CCBE1: variants seen among roughly 807,000 people sequenced by gnomAD.
The protein encoded by CCBE1 is collagen and calcium-binding EGF domain-containing protein 1.
In CCBE1, 37 loss-of-function variants were observed where a neutral mutation model predicts 50.0. That is an observed-to-expected ratio of 0.74 (90% CI 0.57 to 0.97). The LOEUF (loss-of-function observed/expected upper bound fraction) is 0.97, where lower values mean the gene tolerates loss of function less well. Among genes scored for constraint, CCBE1 ranks in the 50% least tolerant of loss-of-function variants. CCBE1 has a pLI of 0.00. For synonymous variants in CCBE1, 234 were observed against 203.7 expected, an observed-to-expected ratio of 1.15 and a Z score of -1.27; for missense variants, 538 against 523.8, an observed-to-expected ratio of 1.03 and a Z score of -0.26.
At chr18:59,617,121 C>A (rs1176885941) in intron 2 of CCBE1, among the ~76,000 whole-genome samples, 1 of 152,202 alleles carries the variant, frequency 6.6e-6, no homozygotes, top group Non-Finnish European at 1.5e-5. Flanking sequence ...AACCTCTGAA[C>A]TATACCAGTG....
At chr18:59,602,985 C>A (rs1473711602) in intron 2 of CCBE1, among the ~76,000 whole-genome samples, 1 of 152,296 alleles carries the variant, frequency 6.6e-6, no homozygotes, top group African/African-American at 2.4e-5. Context: ...GTGACAATAC[C>A]AACCTCCGAG....
chr18:59,690,335 A>G (rs1205234160), intron 2 of CCBE1, among the ~76,000 whole-genome samples: 1 of 152,204 alleles, frequency 6.6e-6, no homozygotes, highest in Non-Finnish European at 1.5e-5. Context: ...CAGATGTTAT[A>G]GCTGTTTACT....
At chr18:59,631,718 T>C (rs1281393058) in intron 2 of CCBE1, among the ~76,000 whole-genome samples, 1 of 152,172 alleles carries the variant, frequency 6.6e-6, no homozygotes, top group African/African-American at 2.4e-5. Flanking sequence ...TAACACCAAC[T>C]TAAGAAGCAC....
At chr18:59,595,837 T>C (rs1568225402) in intron 2 of CCBE1, among the ~76,000 whole-genome samples, 1 of 152,222 alleles carries the variant, frequency 6.6e-6, no homozygotes, top group African/African-American at 2.4e-5. Context: ...GTTAAGGCTT[T>C]ATCAAGTGGG....
chr18:59,440,145 A>G (rs532142867), intron 7 of CCBE1, among the ~76,000 whole-genome samples: 33 of 152,308 alleles, frequency 2.2e-4, no homozygotes, highest in Non-Finnish European at 4.3e-4. Flanking sequence ...AACATCTCAC[A>G]GCTGTCTGCT....
At chr18:59,655,393 G>A (rs1568256676) in intron 2 of CCBE1, among the ~76,000 whole-genome samples, 1 of 152,176 alleles carries the variant, frequency 6.6e-6, no homozygotes. Context: ...AGGAGACAGA[G>A]GCTGAGCCAC....
intron 2 of CCBE1, among the ~76,000 whole-genome samples, chr18:59,520,695 A>G (rs1914561468): frequency 6.6e-6 from 1 of 152,252 alleles, no homozygotes; most frequent in Non-Finnish European, 1.5e-5. Context: ...ATCTGAAGTC[A>G]TGTTTCCTGA....
At chr18:59,693,555 GTC>G (rs764475307) in intron 2 of CCBE1, among the ~76,000 whole-genome samples, 17 of 152,278 alleles carry the variant, frequency 1.1e-4, no homozygotes, top group Admixed American at 2.6e-4. Flanking sequence ...CTAGCTGCTT[GTC>G]TCTCTTCCCC....
chr18:59,452,484 C>T (rs1211357439), intron 6 of CCBE1, among the ~76,000 whole-genome samples: 1 of 152,136 alleles, frequency 6.6e-6, no homozygotes, highest in African/African-American at 2.4e-5. Flanking sequence ...ATCCCAGCTA[C>T]CCGGGAGGCT....
chr18:59,455,290 T>C, intron 5 of CCBE1: 1 of 397,752 alleles, frequency 2.5e-6, no homozygotes, highest in East Asian at 6.1e-5. Context: ...AAATCTGACA[T>C]GATTTATACT....
At chr18:59,684,990 C>A (rs1476469475) in intron 2 of CCBE1, among the ~76,000 whole-genome samples, 2 of 151,908 alleles carry the variant, frequency 1.3e-5, no homozygotes, top group Non-Finnish European at 1.5e-5. Flanking sequence ...TGTAGATGTC[C>A]CATCATACCA....
chr18:59,472,908 C>T (rs1396920156), intron 3 of CCBE1, among the ~76,000 whole-genome samples: 1 of 152,180 alleles, frequency 6.6e-6, no homozygotes, highest in Non-Finnish European at 1.5e-5. Context: ...CAAGAGAGAG[C>T]TTGTGCATGG....
At chr18:59,641,575 C>T (rs1043090420) in intron 2 of CCBE1, among the ~76,000 whole-genome samples, 4 of 152,126 alleles carry the variant, frequency 2.6e-5, no homozygotes, top group African/African-American at 9.7e-5. Flanking sequence ...ATAAACAAAC[C>T]TGCACATGTA....
chr18:59,654,845 A>G lies in CCBE1; in HGVS notation c.212+41784T>C, dbSNP rs905306687. On this transcript the variant is annotated intron_variant, in intron 2 of 10. Coordinates refer to ENST00000439986, the MANE Select transcript of CCBE1 (RefSeq NM_133459.4). The stretch of plus-strand genomic sequence containing the variant: ...AAAAGGTGGCTCATTCCTAATTCCT[A>G]TAATCCCAGCACTTTGGGAGGCCGA... Among the ~76,000 whole-genome samples the G allele has an allele frequency of 1.6e-4, 24 of 149,780 alleles. No individual in the cohort carries two copies. The Admixed American group carries it at 1.6e-3, about 10-fold the overall frequency.
At chr18:59,588,219 T>C (rs2053205743) in intron 2 of CCBE1, among the ~76,000 whole-genome samples, 1 of 152,206 alleles carries the variant, frequency 6.6e-6, no homozygotes, top group African/African-American at 2.4e-5. Context: ...GTGTACAGCC[T>C]GATTATTTCT....
chr18:59,640,652 G>A (rs1419521764), intron 2 of CCBE1, among the ~76,000 whole-genome samples: 4 of 151,998 alleles, frequency 2.6e-5, no homozygotes, highest in African/African-American at 7.2e-5. Context: ...AACTATTAGG[G>A]AGAAAAAACA....
intron 2 of CCBE1, among the ~76,000 whole-genome samples, chr18:59,486,191 A>G (rs1912818678): frequency 6.6e-6 from 1 of 152,220 alleles, no homozygotes; most frequent in South Asian, 2.1e-4. Context: ...ATTACAGATA[A>G]TATAAGAAAG....
chr18:59,457,051 G>A (rs1911227305), intron 5 of CCBE1, among the ~76,000 whole-genome samples: 2 of 152,214 alleles, frequency 1.3e-5, no homozygotes, highest in South Asian at 4.1e-4. Context: ...AATATACAGG[G>A]TCAACATAGC....
At chr18:59,670,013 C>G (rs547521131) in intron 2 of CCBE1, among the ~76,000 whole-genome samples, 1 of 152,024 alleles carries the variant, frequency 6.6e-6, no homozygotes, top group Non-Finnish European at 1.5e-5. Context: ...AGATGTTTTT[C>G]TCGTGTAAAC....
Sources: gnomAD v4.1 joint callset for allele counts (sites outside exome capture counted in the v4.1 genomes callset) on GRCh38, gnomAD v4.1.1 for gene constraint, MANE v1.5 for transcripts, NCBI Gene and HGNC (gene_info 2026-07-23, HGNC 2026-07-21) for gene names.